SEMA3A: variants seen among roughly 807,000 people sequenced by gnomAD.
The protein encoded by SEMA3A is semaphorin-3A.
Under a neutral mutation model 97.9 loss-of-function variants are expected in SEMA3A, and 29 were observed. The observed-to-expected ratio is 0.30, with a 90% CI of 0.22 to 0.40. The LOEUF (loss-of-function observed/expected upper bound fraction) is 0.40. Among genes scored for constraint, SEMA3A ranks in the 10% least tolerant of loss-of-function variants. The pLI, the probability that SEMA3A is intolerant of heterozygous loss-of-function variation, is 1.00. For synonymous variants in SEMA3A, 321 were observed against 323.7 expected, an observed-to-expected ratio of 0.99 and a Z score of 0.09; for missense variants, 763 against 951.3, an observed-to-expected ratio of 0.80 and a Z score of 2.60.
At chr7:84,066,295 C>A (rs1366690453) in intron 4 of SEMA3A, among the ~76,000 whole-genome samples, 1 of 152,046 alleles carries the variant, frequency 6.6e-6, no homozygotes, top group African/African-American at 2.4e-5. Flanking sequence ...CTATCTATGA[C>A]AAACCCACAT....
chr7:84,442,178 T>C (rs1385049873), intron 1 of SEMA3A, among the ~76,000 whole-genome samples: 1 of 152,208 alleles, frequency 6.6e-6, no homozygotes, highest in Non-Finnish European at 1.5e-5. Context: ...TACAAAATTA[T>C]GTATTTGCCT....
chr7:83,988,054 C>T (rs1013380744), intron 12 of SEMA3A, among the ~76,000 whole-genome samples: 1 of 152,140 alleles, frequency 6.6e-6, no homozygotes, highest in Non-Finnish European at 1.5e-5. Flanking sequence ...CTCTAATAAA[C>T]CCCATTATGC....
At chr7:84,160,217 C>T (rs1271679132) in intron 1 of SEMA3A, among the ~76,000 whole-genome samples, 1 of 143,072 alleles carries the variant, frequency 7.0e-6, no homozygotes, top group African/African-American at 2.6e-5. Flanking sequence ...AAAAAACTAT[C>T]AATCTGTCTA....
At chr7:84,017,424 C>G (rs776113316) in intron 6 of SEMA3A, among the ~76,000 whole-genome samples, 9 of 151,784 alleles carry the variant, frequency 5.9e-5, no homozygotes, top group African/African-American at 1.7e-4. Context: ...TCAGGTACAG[C>G]CAAAAAATAG....
intron 2 of SEMA3A, among the ~76,000 whole-genome samples, chr7:84,332,007 C>T (rs568327082): frequency 6.6e-6 from 1 of 152,244 alleles, no homozygotes; most frequent in South Asian, 2.1e-4. Flanking sequence ...AAAGTCCTGA[C>T]TCCTGGTCAT....
chr7:84,047,689 G>A (rs1040662001), intron 5 of SEMA3A, among the ~76,000 whole-genome samples: 7 of 151,966 alleles, frequency 4.6e-5, no homozygotes, highest in Non-Finnish European at 7.4e-5. Flanking sequence ...GACAACTACA[G>A]TATATCTTAA....
intron 2 of SEMA3A, among the ~76,000 whole-genome samples, chr7:84,352,139 C>T (rs772916789): frequency 4.8e-4 from 73 of 150,864 alleles, no homozygotes; most frequent in South Asian, 1.7e-3. Context: ...GAAAGACAAA[C>T]TTTGCATGTT....
chr7:84,444,382 A>T (rs559380945), intron 1 of SEMA3A, among the ~76,000 whole-genome samples: 3 of 152,168 alleles, frequency 2.0e-5, no homozygotes, highest in African/African-American at 7.2e-5. Context: ...TTAATTTTTC[A>T]GTCAAAAACA....
At chr7:83,984,167 G>A (rs1196283525) in intron 13 of SEMA3A, among the ~76,000 whole-genome samples, 1 of 152,010 alleles carries the variant, frequency 6.6e-6, no homozygotes, top group Non-Finnish European at 1.5e-5. Context: ...AATTAAGACT[G>A]GCAATGAGGC....
intron 16 of SEMA3A, 117 bp downstream of exon 16, chr7:83,963,088 G>T: frequency 9.4e-7 from 1 of 1,058,342 alleles, no homozygotes; most frequent in Non-Finnish European, 1.4e-6. Flanking sequence ...GCGATTGATT[G>T]GTTCAGAAGA....
rs532934053 is a variant in SEMA3A at position 84,478,911 on chromosome 7, C to A, written c.-246+13549G>T. Among the ~76,000 whole-genome samples the A allele has an allele frequency of 5.9e-5, 9 of 152,020 alleles. No homozygotes were observed. In the South Asian group the frequency reaches 1.9e-3, roughly 32 times the overall value. Reference sequence around the variant, plus strand: ...AAGTTAAATAGAAGGTGATATGACACGCCTGTGATTATCAACCTTATATAA... The same window carrying A: ...AAGTTAAATAGAAGGTGATATGACAAGCCTGTGATTATCAACCTTATATAA... On this transcript the variant is annotated intron_variant, in intron 1 of 3. Coordinates refer to the SEMA3A transcript ENST00000424555.
intron 3 of SEMA3A, among the ~76,000 whole-genome samples, chr7:84,297,316 C>G (rs1800897684): frequency 1.3e-5 from 2 of 152,058 alleles, no homozygotes; most frequent in African/African-American, 4.8e-5. Context: ...ACTTAAAATA[C>G]AGACAGTTCA....
intron 3 of SEMA3A, among the ~76,000 whole-genome samples, chr7:84,278,266 G>A (rs1800359955): frequency 6.6e-6 from 1 of 152,070 alleles, no homozygotes; most frequent in African/African-American, 2.4e-5. Context: ...TTCTGTCTGA[G>A]ACCTCCTCAG....
intron 1 of SEMA3A, among the ~76,000 whole-genome samples, chr7:84,487,485 C>A (rs1386645089): frequency 6.6e-6 from 1 of 152,094 alleles, no homozygotes; most frequent in Non-Finnish European, 1.5e-5. Context: ...AGAATTAATT[C>A]TAGACTGGTT....
At chr7:83,980,623 A>AAAAAAAAAAAAC (rs1310318006) in intron 14 of SEMA3A, among the ~76,000 whole-genome samples, 1 of 71,762 alleles carries the variant, frequency 1.4e-5, no homozygotes, top group Non-Finnish European at 2.4e-5. Context: ...AAAAAAAAAA[A>AAAAAAAAAAAAC]ATATATATAT....
At chr7:84,412,577 C>A (rs140898962) in intron 1 of SEMA3A, among the ~76,000 whole-genome samples, 1 of 152,118 alleles carries the variant, frequency 6.6e-6, no homozygotes, top group Non-Finnish European at 1.5e-5. Flanking sequence ...GCAAATAAAA[C>A]AAGAGCTAGA....
At chr7:84,224,176 C>T (rs188109600) in intron 3 of SEMA3A, among the ~76,000 whole-genome samples, 20 of 151,774 alleles carry the variant, frequency 1.3e-4, no homozygotes, top group African/African-American at 3.6e-4. Context: ...AATTTAAAGG[C>T]GACTAATTTA....
intron 12 of SEMA3A, among the ~76,000 whole-genome samples, chr7:83,999,991 T>G (rs1000797628): frequency 2.0e-5 from 3 of 152,130 alleles, no homozygotes; most frequent in Non-Finnish European, 4.4e-5. Context: ...AATTCTTTAA[T>G]TTCTTGTATT....
At chr7:84,384,862 A>T (rs777867092) in intron 1 of SEMA3A, among the ~76,000 whole-genome samples, 10 of 152,186 alleles carry the variant, frequency 6.6e-5, no homozygotes, top group Admixed American at 3.9e-4. Context: ...AAAATTGCAG[A>T]TGAAACAGTC....
Sources: allele counts gnomAD v4.1 joint callset (sites outside exome capture counted in the v4.1 genomes callset), GRCh38; gene constraint gnomAD v4.1.1; transcripts MANE v1.5; gene names NCBI Gene and HGNC (gene_info 2026-07-23, HGNC 2026-07-21).